The following FOXO3 variants were observed in gnomAD, a reference collection of about 807,000 sequenced individuals.
FOXO3 encodes forkhead box O3.
Under a neutral mutation model 41.9 loss-of-function variants are expected in FOXO3, and 4 were observed. The ratio of observed to expected loss-of-function variants is 0.10; its 90% CI spans 0.05 to 0.22. The LOEUF is 0.22. Ranked by LOEUF, FOXO3 falls within the 10% of genes least tolerant of loss-of-function variation. The pLI is 1.00. For missense variants in FOXO3, 534 were observed against 906.8 expected, an observed-to-expected ratio of 0.59 and a Z score of 5.28; for synonymous variants, 318 against 389.3, an observed-to-expected ratio of 0.82 and a Z score of 2.16.
chr6:108,636,769 A>T (rs1202606006), intron 1 of FOXO3, among the ~76,000 whole-genome samples: 1 of 152,154 alleles, frequency 6.6e-6, no homozygotes, highest in Admixed American at 6.5e-5. Context: ...CACCCAGCCT[A>T]GCAGCCACTC....
chr6:108,601,623 A>G (rs1349304709), intron 1 of FOXO3, among the ~76,000 whole-genome samples: 2 of 152,196 alleles, frequency 1.3e-5, no homozygotes, highest in African/African-American at 4.8e-5. Flanking sequence ...TTGCTGTCTT[A>G]TAGCAACAGC....
At chr6:108,646,988 C>A (rs74939639) in intron 1 of FOXO3, among the ~76,000 whole-genome samples, 6,684 of 152,248 alleles carry the variant, frequency 0.044, 424 homozygotes, top group African/African-American at 0.14. Context: ...CCCCCAATAA[C>A]AATTGTAATA....
chr6:108,678,890 T>TTC (rs368405598), intron 2 of FOXO3, among the ~76,000 whole-genome samples: 1 of 115,334 alleles, frequency 8.7e-6, no homozygotes, highest in African/African-American at 2.9e-5. Context: ...TTTTTTTTTT[T>TTC]TGAGACGGAG....
intron 1 of FOXO3, among the ~76,000 whole-genome samples, chr6:108,596,395 A>G (rs2128364858): frequency 6.6e-6 from 1 of 151,848 alleles, no homozygotes; most frequent in South Asian, 2.1e-4. Context: ...AAAAAAAAAA[A>G]AAAAAAAAAA....
At chr6:108,611,976 C>G (rs1282077901) in intron 1 of FOXO3, among the ~76,000 whole-genome samples, 2 of 152,072 alleles carry the variant, frequency 1.3e-5, no homozygotes, top group African/African-American at 4.8e-5. Flanking sequence ...TTTCTAGACC[C>G]TCTGTTCTAT....
At chr6:108,658,181 T>C (rs1375187535) in intron 1 of FOXO3, among the ~76,000 whole-genome samples, 1 of 152,196 alleles carries the variant, frequency 6.6e-6, no homozygotes, top group African/African-American at 2.4e-5. Flanking sequence ...GAGGGGTAAC[T>C]GGGCGTTTGA....
chr6:108,616,770 T>C (rs1395986180), intron 1 of FOXO3, among the ~76,000 whole-genome samples: 1 of 152,186 alleles, frequency 6.6e-6, no homozygotes, highest in Admixed American at 6.5e-5. Context: ...AAAGAAACCT[T>C]GTATCCATTA....
At chr6:108,653,008 A>G (rs1181510128) in intron 1 of FOXO3, among the ~76,000 whole-genome samples, 6 of 152,050 alleles carry the variant, frequency 3.9e-5, no homozygotes, top group Admixed American at 3.9e-4. Flanking sequence ...TCCATCTCTT[A>G]TTCTAGAGAC....
rs111340534 is a variant in FOXO3 at position 108,640,932 on chromosome 6, G to A, written c.622-22523G>A. 7.2e-4 allele frequency among the ~76,000 whole-genome samples: 110 copies of A among 151,980 alleles called. 1 individual carries two copies. The highest frequency in any genetic ancestry group is 2.5e-3 in the African/African-American group (105 of 41,456). ...GTATTTCTTTCTTTTTTGTCTTTTT[G>A]AGACAGAGTCCCACTCTGTCGCCCA... On this transcript the variant is annotated intron_variant, in intron 1 of 2. Coordinates refer to ENST00000406360, the MANE Select transcript of FOXO3 (RefSeq NM_001455.4).
chr6:108,583,278 A>G (rs972847496), intron 1 of FOXO3, among the ~76,000 whole-genome samples: 2 of 152,204 alleles, frequency 1.3e-5, no homozygotes, highest in African/African-American at 4.8e-5. Flanking sequence ...AAAGGTAGCT[A>G]TGGGAGACAA....
intron 1 of FOXO3, among the ~76,000 whole-genome samples, chr6:108,568,767 C>T (rs182243120): frequency 6.6e-6 from 1 of 152,216 alleles, no homozygotes; most frequent in East Asian, 1.9e-4. Context: ...CTCCTAGCAT[C>T]GATGTTGATG....
rs766609482 is a variant in FOXO3, at chr6:108,561,454, C to T, written c.246C>T (p.Gly82=). ...RAGSAMAIGG[G]GGSGTLGSGL... ...GCTCGGCCATGGCGATCGGCGGCGG[C>T]GGCGGGAGCGGCACGCTGGGCTCCG... The change falls in exon 1 of 3, where the codon GGC becomes GGT. Residue 82 remains glycine, a synonymous_variant. Coordinates refer to ENST00000406360, the MANE Select transcript of FOXO3 (RefSeq NM_001455.4). 3.6e-5 allele frequency: 55 copies of T among 1,533,246 alleles called. No homozygotes were observed. Among genetic ancestry groups the T allele is most frequent in the Non-Finnish European group, 3.8e-5 (44 of 1,143,024 alleles). The allele number at this position is 1,533,246 out of a possible 1,614,324, so 95.0% of individuals were successfully genotyped here.
rs368082536 is a variant in FOXO3 at position 108,579,745 on chromosome 6, GGTAGCAGTCCAGGAATAAAGCCTGCCCA to G, written c.621+17929_621+17956del. Among the ~76,000 whole-genome samples the G allele has an allele frequency of 3.8e-3, 585 of 152,250 alleles. 3 individuals carry two copies. Among genetic ancestry groups the G allele is most frequent in the African/African-American group, 0.013 (534 of 41,536 alleles). ...ACTTTCACAGAGGAGTAAAACATCTGGTAGCAGTCCAGGAATAAAGCCTGCCCAGTAGCAGTCCAGAAGGCTTGTCTCT... is the reference window on the plus strand; with the variant it reads ...ACTTTCACAGAGGAGTAAAACATCTGGTAGCAGTCCAGAAGGCTTGTCTCT... On this transcript the variant is annotated intron_variant, in intron 1 of 2. Coordinates refer to ENST00000406360, the MANE Select transcript of FOXO3 (RefSeq NM_001455.4).
At chr6:108,562,356 C>T (rs2128354495) in intron 1 of FOXO3, among the ~76,000 whole-genome samples, 1 of 152,166 alleles carries the variant, frequency 6.6e-6, no homozygotes, top group Non-Finnish European at 1.5e-5. Context: ...GGTGTTAACA[C>T]CTACAGGCAC....
intron 1 of FOXO3, among the ~76,000 whole-genome samples, chr6:108,611,143 G>A (rs937441449): frequency 6.6e-6 from 1 of 152,206 alleles, no homozygotes; most frequent in African/African-American, 2.4e-5. Flanking sequence ...ACTTAGTAGA[G>A]TGCATTTGAG....
chr6:108,563,868 A>G (rs1358796497), intron 1 of FOXO3, among the ~76,000 whole-genome samples: 1 of 151,906 alleles, frequency 6.6e-6, no homozygotes, highest in African/African-American at 2.4e-5. Flanking sequence ...GGCTAGATAC[A>G]TTTTCATATA....
chr6:108,660,647 G>T (rs1778817241), intron 1 of FOXO3, among the ~76,000 whole-genome samples: 1 of 152,012 alleles, frequency 6.6e-6, no homozygotes, highest in South Asian at 2.1e-4. Context: ...AAGGTGGGCA[G>T]ATCACTTGAT....
intron 2 of FOXO3, among the ~76,000 whole-genome samples, chr6:108,666,670 C>T (rs1779071413): frequency 1.3e-5 from 2 of 152,122 alleles, no homozygotes; most frequent in Admixed American, 6.5e-5. Context: ...TGGCTTGAAC[C>T]CCCATAGTAG....
intron 1 of FOXO3, among the ~76,000 whole-genome samples, chr6:108,590,295 T>C (rs1206698282): frequency 1.3e-5 from 2 of 152,066 alleles, no homozygotes; most frequent in Non-Finnish European, 2.9e-5. Context: ...AGCACCCACC[T>C]TTTTTTGAGA....
Sources: gnomAD v4.1 joint callset for allele counts (sites outside exome capture counted in the v4.1 genomes callset) on GRCh38, gnomAD v4.1.1 for gene constraint, MANE v1.5 for transcripts, NCBI Gene and HGNC (gene_info 2026-07-23, HGNC 2026-07-21) for gene names.